The following ANKRD2 variants were observed in gnomAD, a reference collection of about 807,000 sequenced individuals.
ANKRD2 encodes the protein ankyrin repeat domain-containing protein 2.
In ANKRD2, 35 loss-of-function variants were observed where a neutral mutation model predicts 37.3. The observed-to-expected ratio is 0.94, with a 90% confidence interval of 0.72 to 1.24. The LOEUF is 1.24. Ranked by LOEUF, ANKRD2 falls within the 50% of genes most tolerant of loss-of-function variation. The pLI is 0.00. For synonymous variants in ANKRD2, 159 were observed against 186.5 expected, an observed-to-expected ratio of 0.85 and a Z score of 1.20; for missense variants, 410 against 445.6, an observed-to-expected ratio of 0.92 and a Z score of 0.72.
intron 1 of ANKRD2, among the ~76,000 whole-genome samples, chr10:97,574,105 G>A (rs979041335): frequency 2.6e-5 from 4 of 152,128 alleles, no homozygotes; most frequent in African/African-American, 7.2e-5. Flanking sequence ...GGCCAACATG[G>A]TGAAATCCTG....
rs1187232632 is a variant in ANKRD2, at chr10:97,582,413, G to A, written c.753G>A (p.Arg251=). ...SLGLEINARD[R]EGDTALHDAV... is the part of the protein sequence containing the mutation. The stretch of plus-strand genomic sequence containing the variant: ...GCCTGGAAATCAATGCCAGAGACAG[G>A]GTGAGTGCTAGCCTGTCCGCTGCTC... The change falls in exon 7 of 9, where the codon AGG becomes AGA. Residue 251 remains arginine (R), a splice_region_variant and synonymous_variant. Coordinates refer to ENST00000370655, the MANE Select transcript of ANKRD2 (RefSeq NM_001346793.2). 6 of 1,568,450 alleles carry A rather than the reference G, an allele frequency of 3.8e-6. No homozygotes were observed. Among genetic ancestry groups the A allele is most frequent in the Admixed American group, 1.9e-5 (1 of 52,174 alleles).
At position 97,582,584 on chromosome 10, in the gene ANKRD2, G is replaced by A. The variant is rs2040913881; in HGVS notation, c.754-20G>A. 1.2e-6 allele frequency: 2 copies of A among 1,609,896 alleles called. No homozygotes were observed. Among genetic ancestry groups the A allele is most frequent in the Non-Finnish European group, 1.7e-6 (2 of 1,176,410 alleles). On this transcript the variant is annotated intron_variant, in intron 7 of 8. Transcript: ENST00000370655. ...TCCCACTGCCCACAAGGGCCATAGT[G>A]AGTGCCACACTGACTCTAGGAAGGG...
intron 8 of ANKRD2, 26 bp from the exon 9 acceptor site, chr10:97,583,550 C>G: frequency 6.4e-7 from 1 of 1,566,132 alleles, no homozygotes; most frequent in Non-Finnish European, 8.6e-7. Context: ...CTTGCCAACC[C>G]CCACGCCCCG....
At chr10:97,578,207 C>G (rs552282155) in intron 2 of ANKRD2, 33 bp from the exon 3 acceptor site, 1 of 1,600,940 alleles carries the variant, frequency 6.2e-7, no homozygotes, top group African/African-American at 1.3e-5. Context: ...ACTCTCTGCC[C>G]GGCCTGGGGG....
At chr10:97,573,022 G>T (rs1407918667) in intron 1 of ANKRD2, 147 bp downstream of exon 1, 13 of 1,087,226 alleles carry the variant, frequency 1.2e-5, no homozygotes, top group South Asian at 3.4e-5. Flanking sequence ...CTGTCCCAGG[G>T]TATTACTGGC....
At position 97,581,403 on chromosome 10, in the gene ANKRD2, G is replaced by A; in HGVS notation, c.643G>A (p.Val215Met). The A allele has an allele frequency of 6.2e-7, 1 of 1,614,190 alleles. No homozygotes were observed. Among genetic ancestry groups the A allele is most frequent in the Non-Finnish European group, 8.5e-7 (1 of 1,179,990 alleles). The change falls in exon 6 of 9, where the codon GTG becomes ATG. Residue 215 changes from valine to methionine, a missense_variant. By Grantham distance (21) the Val-to-Met change is conservative. Coordinates refer to ENST00000370655, the MANE Select transcript of ANKRD2 (RefSeq NM_001346793.2). ...LLQSHGADTN[V>M]RDKLLSTPLH... is the part of the protein sequence containing the mutation. ...GCAAAGCCATGGAGCAGACACCAATGTGAGGGATAAGGTGAGGCAAAAACA... is the reference window on the plus strand; with the variant it reads ...GCAAAGCCATGGAGCAGACACCAATATGAGGGATAAGGTGAGGCAAAAACA...
chr10:97,582,269 C>T, intron 6 of ANKRD2, 46 bp from the exon 7 acceptor site: 1 of 1,499,990 alleles, frequency 6.7e-7, no homozygotes, highest in Non-Finnish European at 9.1e-7. Context: ...AGGGGTACCA[C>T]AGTTCAGGCC....
chr10:97,578,147 C>CCCCCCCCCCCCCCCCCCCCAAA, intron 2 of ANKRD2, 93 bp from the exon 3 acceptor site: 1 of 718,822 alleles, frequency 1.4e-6, no homozygotes, highest in Non-Finnish European at 2.3e-6. Context: ...TCTTCCTGCC[C>CCCCCCCCCCCCCCCCCCCCAAA]ACCCCACCCT....
intron 1 of ANKRD2, among the ~76,000 whole-genome samples, chr10:97,575,415 ATCAT>A (rs1352306908): frequency 6.6e-6 from 1 of 152,144 alleles, no homozygotes; most frequent in Non-Finnish European, 1.5e-5. Flanking sequence ...CATCCATTCG[ATCAT>A]TCATTCATTC....
chr10:97,580,969 G>C lies in ANKRD2; in HGVS notation c.555+16G>C. 1 of 1,565,548 alleles carries C rather than the reference G, an allele frequency of 6.4e-7. No homozygotes were observed. Among genetic ancestry groups the C allele is most frequent in the South Asian group, 1.2e-5 (1 of 85,442 alleles). On this transcript the variant is annotated intron_variant, in intron 5 of 8. Coordinates refer to ENST00000370655, the MANE Select transcript of ANKRD2 (RefSeq NM_001346793.2). ...CCAGGATCGGGTGAGTGAGAGGGCAGGTATTCAATGGGAGACAGGAGGTGG... is the reference window on the plus strand; with the variant it reads ...CCAGGATCGGGTGAGTGAGAGGGCACGTATTCAATGGGAGACAGGAGGTGG...
intron 4 of ANKRD2, among the ~76,000 whole-genome samples, chr10:97,579,393 G>A (rs964702002): frequency 2.1e-5 from 3 of 142,534 alleles, no homozygotes; most frequent in Non-Finnish European, 4.5e-5. Context: ...TGCAACTTTC[G>A]CCTCTTGGGC....
chr10:97,574,674 CA>C, intron 1 of ANKRD2, among the ~76,000 whole-genome samples: 1 of 151,668 alleles, frequency 6.6e-6, no homozygotes, highest in Non-Finnish European at 1.5e-5. Context: ...AGATGCCATT[CA>C]AAAAAAGGAG....
chr10:97,577,058 C>T (rs1333658008), intron 1 of ANKRD2, among the ~76,000 whole-genome samples: 1 of 148,416 alleles, frequency 6.7e-6, no homozygotes, highest in Non-Finnish European at 1.5e-5. Flanking sequence ...GGCTGGAGTG[C>T]AGTGGCATGA....
intron 7 of ANKRD2, 31 bp from the exon 8 acceptor site, chr10:97,582,573 A>G (rs761690279): frequency 8.1e-6 from 13 of 1,605,660 alleles, no homozygotes; most frequent in Non-Finnish European, 9.4e-6. Context: ...ACTGCCCACA[A>G]GGGCCATAGT....
intron 1 of ANKRD2, among the ~76,000 whole-genome samples, chr10:97,576,573 G>T (rs2135699995): frequency 6.6e-6 from 1 of 152,154 alleles, no homozygotes; most frequent in Non-Finnish European, 1.5e-5. Flanking sequence ...ACAAAGAGCT[G>T]CCAAATTTTA....
At chr10:97,574,338 T>G (rs2040797561) in intron 1 of ANKRD2, among the ~76,000 whole-genome samples, 1 of 151,298 alleles carries the variant, frequency 6.6e-6, no homozygotes, top group Non-Finnish European at 1.5e-5. Flanking sequence ...AGCTGGGCCT[T>G]CAAGGGGACT....
intron 1 of ANKRD2, among the ~76,000 whole-genome samples, chr10:97,575,280 G>T (rs2135698821): frequency 6.6e-6 from 1 of 152,330 alleles, no homozygotes; most frequent in Admixed American, 6.5e-5. Flanking sequence ...CCATCCCCAG[G>T]GTGGGAGGGG....
At chr10:97,583,241 A>G (rs949093595) in intron 8 of ANKRD2, among the ~76,000 whole-genome samples, 6 of 152,200 alleles carry the variant, frequency 3.9e-5, no homozygotes, top group Admixed American at 3.9e-4. Flanking sequence ...AAGAAAGGCT[A>G]AAGGGATAAT....
chr10:97,575,804 A>G (rs1274106115), intron 1 of ANKRD2, among the ~76,000 whole-genome samples: 1 of 152,082 alleles, frequency 6.6e-6, no homozygotes, highest in African/African-American at 2.4e-5. Context: ...CCAGCTACTC[A>G]GGAGGCTGAG....
Sources: allele counts gnomAD v4.1 joint callset (sites outside exome capture counted in the v4.1 genomes callset), GRCh38; gene constraint gnomAD v4.1.1; transcripts MANE v1.5; gene names NCBI Gene and HGNC (gene_info 2026-07-23, HGNC 2026-07-21).